Variants in CSMD1 observed in about 807,000 individuals in gnomAD.
CSMD1 encodes CUB and Sushi multiple domains 1, also known as CUB and sushi domain-containing protein 1.
CSMD1 carries 213 observed loss-of-function variants against 417.5 expected under a neutral mutation model. The observed-to-expected ratio is 0.51, with a 90% CI of 0.46 to 0.57. The LOEUF is 0.57. Among genes scored for constraint, CSMD1 ranks in the 20% least tolerant of loss-of-function variants. The pLI is 0.00. For synonymous variants in CSMD1, 2,862 were observed against 1,736.8 expected, an observed-to-expected ratio of 1.65 and a Z score of -16.11; for missense variants, 6,923 against 4,529.7, an observed-to-expected ratio of 1.53 and a Z score of -15.17.
rs935925519 is a variant in CSMD1 at position 4,582,081 on chromosome 8, T to G, written c.302+55261A>C. The stretch of plus-strand genomic sequence containing the variant: ...CTGCGTTCCGAGCCTCTTTTTTTTT[T>G]TTGGTTTGTTTTGTTTTTATTATCT... On this transcript the variant is annotated intron_variant, in intron 2 of 69. Transcript: ENST00000635120. Among the ~76,000 whole-genome samples the G allele has an allele frequency of 2.5e-4, 38 of 152,074 alleles. 2 individuals carry two copies. The highest frequency in any genetic ancestry group is 8.9e-4 in the African/African-American group (37 of 41,500).
intron 1 of CSMD1, among the ~76,000 whole-genome samples, chr8:4,774,325 C>T (rs150967220): frequency 6.6e-6 from 1 of 152,258 alleles, no homozygotes; most frequent in African/African-American, 2.4e-5. Context: ...TAATTGAGGG[C>T]AGGTCTCTCA....
At chr8:4,307,651 T>C (rs1203130673) in intron 3 of CSMD1, among the ~76,000 whole-genome samples, 2 of 152,060 alleles carry the variant, frequency 1.3e-5, no homozygotes, top group African/African-American at 4.8e-5. Flanking sequence ...TCAAGGACGA[T>C]GGGAAATGGG....
intron 5 of CSMD1, among the ~76,000 whole-genome samples, chr8:3,872,489 T>G (rs75901682): frequency 0.02 from 3,105 of 152,274 alleles, 131 homozygotes; most frequent in African/African-American, 0.071. Flanking sequence ...AGGTAAAATG[T>G]GCTCCCTGGT....
rs945278343 is a variant in CSMD1, at chr8:4,622,273, G to A, written c.302+15069C>T. The stretch of plus-strand genomic sequence containing the variant: ...AAAAGGCAAAAGAGGATACTTGCCT[G>A]GCTGAGATTCAGAGCTGGCTGAGGA... On this transcript the variant is annotated intron_variant, in intron 2 of 69. Transcript: ENST00000635120. 2.0e-5 allele frequency among the ~76,000 whole-genome samples: 3 copies of A among 152,080 alleles called. 1 individual carries two copies. Among genetic ancestry groups the A allele is most frequent in the Non-Finnish European group, 4.4e-5 (3 of 68,028 alleles).
intron 12 of CSMD1, among the ~76,000 whole-genome samples, chr8:3,460,270 G>C (rs1187355407): frequency 1.3e-5 from 2 of 152,278 alleles, no homozygotes; most frequent in Middle Eastern, 3.4e-3. Context: ...TTGTTGGGGA[G>C]ATACGTGTGC....
intron 3 of CSMD1, among the ~76,000 whole-genome samples, chr8:4,275,721 C>A (rs1796447195): frequency 6.6e-6 from 1 of 152,124 alleles, no homozygotes; most frequent in South Asian, 2.1e-4. Flanking sequence ...ATTCCATTCA[C>A]AATGAGTATA....
chr8:4,374,599 C>A (rs1453732932), intron 3 of CSMD1, among the ~76,000 whole-genome samples: 1 of 152,052 alleles, frequency 6.6e-6, no homozygotes, highest in Non-Finnish European at 1.5e-5. Flanking sequence ...AGGGAAGCAG[C>A]TAAGAAATGG....
At chr8:3,819,149 G>A (rs74897441) in intron 5 of CSMD1, among the ~76,000 whole-genome samples, 1 of 152,174 alleles carries the variant, frequency 6.6e-6, no homozygotes, top group East Asian at 1.9e-4. Flanking sequence ...AGGCGGAAAG[G>A]AATCTGACAT....
At chr8:3,609,550 A>T (rs1801786031) in intron 8 of CSMD1, among the ~76,000 whole-genome samples, 1 of 152,154 alleles carries the variant, frequency 6.6e-6, no homozygotes, top group African/African-American at 2.4e-5. Flanking sequence ...AGAACCCAGA[A>T]TAATACTATA....
chr8:3,631,314 G>C (rs774149506), intron 7 of CSMD1, among the ~76,000 whole-genome samples: 2 of 152,156 alleles, frequency 1.3e-5, no homozygotes, highest in Non-Finnish European at 2.9e-5. Flanking sequence ...TTTCTGTCTG[G>C]TTTATTGTTC....
At chr8:4,980,567 G>C (rs7833750) in intron 1 of CSMD1, among the ~76,000 whole-genome samples, 1 of 152,124 alleles carries the variant, frequency 6.6e-6, no homozygotes. Flanking sequence ...AAAAATAAAT[G>C]AGAGACTTGA....
At chr8:3,578,836 T>G (rs1800261528) in intron 9 of CSMD1, among the ~76,000 whole-genome samples, 1 of 152,218 alleles carries the variant, frequency 6.6e-6, no homozygotes. Flanking sequence ...CAACGAAGTA[T>G]GTGATTAACC....
intron 3 of CSMD1, among the ~76,000 whole-genome samples, chr8:4,402,800 C>CTTTTTTTTTTT (rs60965667): frequency 5.1e-4 from 46 of 89,350 alleles, no homozygotes; most frequent in East Asian, 7.3e-4. Context: ...TCACTTTTTT[C>CTTTTTTTTTTT]TTTTTTTTTT....
intron 10 of CSMD1, among the ~76,000 whole-genome samples, chr8:3,501,664 G>C (rs955772916): frequency 6.6e-6 from 1 of 152,128 alleles, no homozygotes; most frequent in Non-Finnish European, 1.5e-5. Flanking sequence ...TGTATCAGAA[G>C]AAAGGCCTTT....
chr8:4,190,381 G>A (rs1436551148), intron 3 of CSMD1, among the ~76,000 whole-genome samples: 2 of 152,012 alleles, frequency 1.3e-5, no homozygotes, highest in Admixed American at 6.5e-5. Context: ...CAATGAAGCA[G>A]CCACTACTTG....
intron 7 of CSMD1, among the ~76,000 whole-genome samples, chr8:3,679,626 C>A (rs912884370): frequency 6.6e-6 from 1 of 152,076 alleles, no homozygotes; most frequent in African/African-American, 2.4e-5. Context: ...GACAGATCAA[C>A]AAGACAGCAA....
chr8:4,749,964 T>C lies in CSMD1; in HGVS notation c.86-112406A>G, dbSNP rs145631277. 1.0e-3 allele frequency among the ~76,000 whole-genome samples: 155 copies of C among 152,100 alleles called. 2 individuals are homozygous for C. The highest frequency in any genetic ancestry group is 3.6e-3 in the African/African-American group (150 of 41,476). On this transcript the variant is annotated intron_variant, in intron 1 of 69. Transcript: ENST00000635120. Reference sequence around the variant, plus strand: ...CCAAGGTCTTCATGGTTCCCTCAAGTGCCTGTTTAATAAAACCCTTGTTTA... The same window carrying C: ...CCAAGGTCTTCATGGTTCCCTCAAGCGCCTGTTTAATAAAACCCTTGTTTA...
At chr8:4,689,606 T>C (rs1402973342) in intron 1 of CSMD1, among the ~76,000 whole-genome samples, 2 of 152,228 alleles carry the variant, frequency 1.3e-5, no homozygotes, top group African/African-American at 4.8e-5. Flanking sequence ...GTAAGATCTT[T>C]TCTAGTTCAG....
rs141513583 is a variant in CSMD1 at position 3,373,279 on chromosome 8, G to C, written c.2783-3909C>G. ...AGGGAATGTGCTCTGCCCTCTTTTT[G>C]ATGTTTTCCCTCCATACCACACACA... On this transcript the variant is annotated intron_variant, in intron 18 of 69. Transcript: ENST00000635120. 2.1e-3 allele frequency: 318 copies of C among 152,162 alleles called. 2 individuals carry two copies. The highest frequency in any genetic ancestry group is 7.4e-3 in the African/African-American group (308 of 41,520). The allele number at this position is 152,162 out of a possible 1,614,324, so 9.4% of individuals were successfully genotyped here. A position where few individuals can be genotyped will look rare whatever the true frequency, so the allele number is the denominator to read the frequency against.
Sources: gnomAD v4.1 joint callset for allele counts (sites outside exome capture counted in the v4.1 genomes callset) on GRCh38, gnomAD v4.1.1 for gene constraint, MANE v1.5 for transcripts, NCBI Gene and HGNC (gene_info 2026-07-23, HGNC 2026-07-21) for gene names.